ROBO2: variants seen among roughly 807,000 people sequenced by gnomAD.
ROBO2 encodes roundabout guidance receptor 2.
In ROBO2, 53 loss-of-function variants were observed where a neutral mutation model predicts 160.8. The observed-to-expected ratio is 0.33, with a 90% CI of 0.26 to 0.41. The LOEUF is 0.41. Among genes scored for constraint, ROBO2 ranks in the 10% least tolerant of loss-of-function variants. ROBO2 has a pLI of 1.00. For synonymous variants in ROBO2, 664 were observed against 611.7 expected (o/e 1.09, Z -1.26); for missense variants, 1,577 against 1,722.4 (o/e 0.92, Z 1.49).
At chr3:76,921,526 C>T (rs970474360) in intron 2 of ROBO2, among the ~76,000 whole-genome samples, 7 of 152,174 alleles carry the variant, frequency 4.6e-5, no homozygotes, top group Admixed American at 1.3e-4. Flanking sequence ...GCAGGAGAAT[C>T]GCTTGAACCT....
intron 2 of ROBO2, among the ~76,000 whole-genome samples, chr3:76,466,995 T>C (rs2078398761): frequency 6.6e-6 from 1 of 152,096 alleles, no homozygotes; most frequent in Non-Finnish European, 1.5e-5. Flanking sequence ...GTAGGACAGT[T>C]ATAAACTATT....
At chr3:76,609,544 G>A (rs772369624) in intron 2 of ROBO2, among the ~76,000 whole-genome samples, 3 of 151,694 alleles carry the variant, frequency 2.0e-5, no homozygotes, top group Admixed American at 6.6e-5. Flanking sequence ...ATATAGAAAT[G>A]CTACTGATTT....
intron 2 of ROBO2, among the ~76,000 whole-genome samples, chr3:76,612,143 G>A (rs2088178551): frequency 6.6e-6 from 1 of 152,146 alleles, no homozygotes; most frequent in African/African-American, 2.4e-5. Flanking sequence ...CAGTAGTTTT[G>A]AATTTTGTAA....
At chr3:76,142,799 G>A (rs1276502002) in intron 2 of ROBO2, among the ~76,000 whole-genome samples, 1 of 151,848 alleles carries the variant, frequency 6.6e-6, no homozygotes, top group African/African-American at 2.4e-5. Context: ...AAATAAAGAG[G>A]ATAATTGGAT....
At chr3:77,089,549 G>C (rs1259752326) in intron 1 of ROBO2, among the ~76,000 whole-genome samples, 2 of 152,126 alleles carry the variant, frequency 1.3e-5, no homozygotes, top group Non-Finnish European at 2.9e-5. Context: ...GAAATAAGTA[G>C]AGTTTCTAGG....
chr3:76,579,759 A>G (rs2085531077), intron 2 of ROBO2, among the ~76,000 whole-genome samples: 1 of 148,212 alleles, frequency 6.7e-6, no homozygotes, highest in African/African-American at 2.5e-5. Flanking sequence ...TGCTCCTTTC[A>G]AAAAAGCTAT....
chr3:77,138,040 G>C (rs1228668071), intron 2 of ROBO2, among the ~76,000 whole-genome samples: 1 of 152,048 alleles, frequency 6.6e-6, no homozygotes, highest in Non-Finnish European at 1.5e-5. Flanking sequence ...GAATCTGAAC[G>C]ACTACCAGGA....
At chr3:77,424,005 C>T (rs1403655326) in intron 2 of ROBO2, among the ~76,000 whole-genome samples, 1 of 152,112 alleles carries the variant, frequency 6.6e-6, no homozygotes, top group African/African-American at 2.4e-5. Flanking sequence ...AGAGTTTCTA[C>T]TTCTTTCCCC....
rs184911118 is a variant in ROBO2, at chr3:76,036,693, G to T, written c.109+99091G>T. Among the ~76,000 whole-genome samples the T allele has an allele frequency of 5.9e-4, 89 of 150,524 alleles. 2 individuals are homozygous for T. The highest frequency in any genetic ancestry group is 2.1e-3 in the African/African-American group (87 of 40,830). On this transcript the variant is annotated intron_variant, in intron 2 of 26. Coordinates refer to the ROBO2 transcript ENST00000487694. ...CTAATTTTGTATTTTTAGTAGAGACGGGATTTCTCCATGTTGGTGAGGCTG... is the reference window on the plus strand; with the variant it reads ...CTAATTTTGTATTTTTAGTAGAGACTGGATTTCTCCATGTTGGTGAGGCTG...
At chr3:77,207,559 C>T (rs2083593127) in intron 2 of ROBO2, among the ~76,000 whole-genome samples, 2 of 152,158 alleles carry the variant, frequency 1.3e-5, no homozygotes, top group African/African-American at 4.8e-5. Flanking sequence ...GGAGTCATAA[C>T]ATCATTTTTA....
intron 2 of ROBO2, among the ~76,000 whole-genome samples, chr3:76,690,805 C>T (rs376569589): frequency 4.6e-5 from 7 of 151,952 alleles, no homozygotes; most frequent in Non-Finnish European, 7.4e-5. Context: ...AATTAATAAG[C>T]GTATCTGTGA....
At chr3:77,557,433 G>A (rs937070946) in intron 8 of ROBO2, among the ~76,000 whole-genome samples, 3 of 151,708 alleles carry the variant, frequency 2.0e-5, no homozygotes, top group African/African-American at 7.3e-5. Flanking sequence ...AAATATTTTA[G>A]CCTGTATAAA....
intron 2 of ROBO2, among the ~76,000 whole-genome samples, chr3:77,259,748 T>G (rs1029637786): frequency 6.6e-6 from 1 of 152,230 alleles, no homozygotes; most frequent in Admixed American, 6.5e-5. Flanking sequence ...ATCACTTCCG[T>G]GCTTTGTCTG....
intron 2 of ROBO2, among the ~76,000 whole-genome samples, chr3:76,835,812 A>G (rs1255179935): frequency 6.6e-6 from 1 of 152,022 alleles, no homozygotes; most frequent in Non-Finnish European, 1.5e-5. Context: ...TAGAGAATAA[A>G]TTACGTTTCA....
chr3:77,134,886 T>C (rs1405479992), intron 2 of ROBO2, among the ~76,000 whole-genome samples: 1 of 152,206 alleles, frequency 6.6e-6, no homozygotes, highest in Non-Finnish European at 1.5e-5. Flanking sequence ...TTGATTTTCC[T>C]CTACTGTGGA....
At chr3:76,146,722 G>C (rs1245306013) in intron 2 of ROBO2, among the ~76,000 whole-genome samples, 1 of 149,454 alleles carries the variant, frequency 6.7e-6, no homozygotes, top group Non-Finnish European at 1.5e-5. Context: ...GTGTGTGTGT[G>C]TGTGTCTGGT....
intron 22 of ROBO2, among the ~76,000 whole-genome samples, chr3:77,620,737 T>C (rs1413655017): frequency 6.6e-6 from 1 of 152,166 alleles, no homozygotes; most frequent in East Asian, 1.9e-4. Flanking sequence ...AAGAAGCCAG[T>C]TGGGAGAGGA....
chr3:76,864,906 C>G (rs1185465851), intron 2 of ROBO2, among the ~76,000 whole-genome samples: 3 of 152,146 alleles, frequency 2.0e-5, no homozygotes, highest in East Asian at 3.9e-4. Flanking sequence ...TGGGACTAGT[C>G]ATTGCAGTTT....
intron 2 of ROBO2, among the ~76,000 whole-genome samples, chr3:76,831,823 T>G (rs1291892899): frequency 2.0e-5 from 3 of 152,198 alleles, no homozygotes; most frequent in African/African-American, 7.2e-5. Context: ...AGATTCTTAT[T>G]GGTACAATTA....
Sources: allele counts gnomAD v4.1 joint callset (sites outside exome capture counted in the v4.1 genomes callset), GRCh38; gene constraint gnomAD v4.1.1; transcripts MANE v1.5; gene names NCBI Gene and HGNC (gene_info 2026-07-23, HGNC 2026-07-21).